Variants in RAB38 observed in about 807,000 individuals in gnomAD.
RAB38 encodes the protein RAB38, member RAS oncogene family, also known as ras-related protein Rab-38.
A neutral mutation model predicts 18.4 loss-of-function variants in RAB38; 15 were observed. The ratio of observed to expected loss-of-function variants is 0.82; its 90% CI spans 0.55 to 1.26. The LOEUF (loss-of-function observed/expected upper bound fraction) is 1.26. RAB38 is among the 50% of genes most tolerant of loss of function. The pLI is 0.00. For missense variants in RAB38, 294 were observed against 267.4 expected (o/e 1.10, Z -0.69); for synonymous variants, 101 against 104.4 (o/e 0.97, Z 0.20).
chr11:87,826,331 G>A, the RAB38 span, among the ~76,000 whole-genome samples: 3 of 151,960 alleles, frequency 2.0e-5, no homozygotes, highest in East Asian at 5.8e-4. Flanking sequence ...CATATTTATT[G>A]TAAAAAATTT....
the RAB38 span, among the ~76,000 whole-genome samples, chr11:88,096,891 G>T: frequency 6.6e-6 from 1 of 151,822 alleles, no homozygotes; most frequent in South Asian, 2.1e-4. Flanking sequence ...CAGTGGTGTG[G>T]TCATGGAAGG....
chr11:88,111,507 T>G (rs755361387), downstream of RAB38, among the ~76,000 whole-genome samples: 3 of 152,190 alleles, frequency 2.0e-5, no homozygotes, highest in Non-Finnish European at 4.4e-5. Context: ...CCTCCAATTA[T>G]GGAAAACCTG....
At chr11:88,154,005 G>A (rs568540958) in intron 1 of RAB38, among the ~76,000 whole-genome samples, 2 of 152,308 alleles carry the variant, frequency 1.3e-5, no homozygotes, top group East Asian at 3.9e-4. Flanking sequence ...CAGCCGCTTT[G>A]ATGGCATTCA....
the RAB38 span, among the ~76,000 whole-genome samples, chr11:88,005,387 A>G: frequency 7.4e-6 from 1 of 134,982 alleles, no homozygotes; most frequent in East Asian, 2.6e-4. Flanking sequence ...AATGAAGGAA[A>G]TAAAAACCAT....
the RAB38 span, among the ~76,000 whole-genome samples, chr11:87,849,901 T>G: frequency 2.0e-5 from 3 of 152,130 alleles, no homozygotes; most frequent in Non-Finnish European, 4.4e-5. Context: ...GGGATCATTA[T>G]GATGAGCTCA....
the RAB38 span, among the ~76,000 whole-genome samples, chr11:87,895,359 T>C: frequency 2.0e-5 from 3 of 151,544 alleles, no homozygotes; most frequent in Admixed American, 6.6e-5. Flanking sequence ...GAATAGAGGA[T>C]TGAGATCCTT....
At chr11:87,814,746 T>C in the RAB38 span, among the ~76,000 whole-genome samples, 46 of 151,880 alleles carry the variant, frequency 3.0e-4, no homozygotes, top group Non-Finnish European at 5.3e-4. Context: ...TTTTCTTTTT[T>C]TTTTTGAGAC....
intron 1 of RAB38, among the ~76,000 whole-genome samples, chr11:88,168,296 T>C (rs1387483588): frequency 6.6e-6 from 1 of 152,180 alleles, no homozygotes; most frequent in East Asian, 1.9e-4. Context: ...TAACATTTAA[T>C]TTGGCATATA....
the RAB38 span, among the ~76,000 whole-genome samples, chr11:87,951,024 A>T: frequency 6.6e-6 from 1 of 152,302 alleles, no homozygotes; most frequent in Non-Finnish European, 1.5e-5. Context: ...CAGGTACACC[A>T]ATCAGACATA....
the RAB38 span, among the ~76,000 whole-genome samples, chr11:87,960,226 C>G: frequency 1.3e-5 from 2 of 152,066 alleles, no homozygotes; most frequent in African/African-American, 2.4e-5. Flanking sequence ...GATTCCTGAG[C>G]CCCTTCCCTA....
chr11:87,963,636 T>C, the RAB38 span, among the ~76,000 whole-genome samples: 2 of 150,514 alleles, frequency 1.3e-5, no homozygotes, highest in Non-Finnish European at 3.0e-5. Context: ...AATATGGCTG[T>C]ATATTTCTTT....
chr11:87,952,317 A>C, the RAB38 span, among the ~76,000 whole-genome samples: 4 of 152,216 alleles, frequency 2.6e-5, no homozygotes, highest in African/African-American at 9.6e-5. Context: ...CCTCAAATGC[A>C]GCCAGCAGTA....
At chr11:88,144,647 G>C (rs1052586543) in intron 2 of RAB38, among the ~76,000 whole-genome samples, 1 of 152,188 alleles carries the variant, frequency 6.6e-6, no homozygotes, top group African/African-American at 2.4e-5. Context: ...CAAAAATTGA[G>C]TATAATTTAA....
At chr11:87,900,190 G>A in the RAB38 span, among the ~76,000 whole-genome samples, 1 of 151,622 alleles carries the variant, frequency 6.6e-6, no homozygotes, top group African/African-American at 2.4e-5. Flanking sequence ...ACAGGAGATT[G>A]ACACTACATA....
chr11:87,887,294 G>A, the RAB38 span, among the ~76,000 whole-genome samples: 194 of 151,640 alleles, frequency 1.3e-3, no homozygotes, highest in African/African-American at 4.5e-3. Context: ...AAGGCTAGAC[G>A]TCTTTAGCAA....
At chr11:87,968,901 T>A in the RAB38 span, among the ~76,000 whole-genome samples, 1 of 152,030 alleles carries the variant, frequency 6.6e-6, no homozygotes, top group East Asian at 1.9e-4. Flanking sequence ...TTCAGAACAG[T>A]AGGAGGATGG....
At chr11:87,952,634 A>G in the RAB38 span, among the ~76,000 whole-genome samples, 3 of 152,208 alleles carry the variant, frequency 2.0e-5, no homozygotes, top group Non-Finnish European at 4.4e-5. Flanking sequence ...CAGTATTGTA[A>G]TCAGTATAGG....
chr11:88,028,446 A>C, the RAB38 span, among the ~76,000 whole-genome samples: 2 of 152,152 alleles, frequency 1.3e-5, no homozygotes, highest in African/African-American at 4.8e-5. Context: ...ACAGGAGGAA[A>C]TTCAAACCAA....
At chr11:88,173,753 T>C (rs1943340698) in intron 1 of RAB38, 1 of 985,416 alleles carries the variant, frequency 1.0e-6, no homozygotes, top group African/African-American at 1.7e-5. Flanking sequence ...CAGTGGCTGA[T>C]AACATTTTCT....
Sources: allele counts gnomAD v4.1 joint callset (sites outside exome capture counted in the v4.1 genomes callset), GRCh38; gene constraint gnomAD v4.1.1; transcripts MANE v1.5; gene names NCBI Gene and HGNC (gene_info 2026-07-23, HGNC 2026-07-21).